Variants in ATP9B observed in about 807,000 individuals in gnomAD.
ATP9B encodes the protein probable phospholipid-transporting ATPase IIB.
Under a neutral mutation model 146.1 loss-of-function variants are expected in ATP9B, and 110 were observed. The observed-to-expected ratio is 0.75, with a 90% CI of 0.65 to 0.88. The LOEUF is 0.88. ATP9B is among the 40% of genes least tolerant of loss of function. The pLI, the probability that ATP9B is intolerant of heterozygous loss-of-function variation, is 0.00. For synonymous variants in ATP9B, 604 were observed against 569.7 expected, an observed-to-expected ratio of 1.06 and a Z score of -0.86; for missense variants, 1,499 against 1,496.4, an observed-to-expected ratio of 1.00 and a Z score of -0.03.
At chr18:79,120,103 C>T (rs1312950909) in intron 4 of ATP9B, among the ~76,000 whole-genome samples, 1 of 152,162 alleles carries the variant, frequency 6.6e-6, no homozygotes, top group East Asian at 1.9e-4. Context: ...TCCTCATAAG[C>T]CCTTGAGTTC....
At chr18:79,346,240 C>T (rs560109758) in intron 23 of ATP9B, among the ~76,000 whole-genome samples, 65 of 149,202 alleles carry the variant, frequency 4.4e-4, no homozygotes, top group South Asian at 8.6e-4. Context: ...ATGTGCTCAG[C>T]GCACAGTCAG....
At chr18:79,156,072 T>A (rs1236278117) in intron 7 of ATP9B, among the ~76,000 whole-genome samples, 1 of 152,192 alleles carries the variant, frequency 6.6e-6, no homozygotes, top group Non-Finnish European at 1.5e-5. Flanking sequence ...AAATGTTTTC[T>A]CTTTCTACCA....
intron 11 of ATP9B, among the ~76,000 whole-genome samples, chr18:79,238,834 C>G (rs1330585569): frequency 6.6e-6 from 1 of 151,714 alleles, no homozygotes; most frequent in Non-Finnish European, 1.5e-5. Flanking sequence ...TCTGCAGTGG[C>G]CACATGGGCA....
intron 17 of ATP9B, among the ~76,000 whole-genome samples, chr18:79,335,308 G>A (rs903763272): frequency 2.6e-5 from 4 of 152,188 alleles, no homozygotes; most frequent in Non-Finnish European, 5.9e-5. Flanking sequence ...CCAGGACTGG[G>A]ATGTGTGTCA....
At chr18:79,233,621 G>A (rs1022151377) in intron 11 of ATP9B, among the ~76,000 whole-genome samples, 1 of 152,180 alleles carries the variant, frequency 6.6e-6, no homozygotes, top group Non-Finnish European at 1.5e-5. Flanking sequence ...GAGAGGTGGG[G>A]CTTAGGTGTG....
intron 17 of ATP9B, among the ~76,000 whole-genome samples, chr18:79,333,227 A>G (rs2096801251): frequency 6.6e-6 from 1 of 152,192 alleles, no homozygotes; most frequent in African/African-American, 2.4e-5. Flanking sequence ...CAGTGCTGAG[A>G]AAGGTCAGAT....
chr18:79,208,747 G>A (rs2095557535), intron 10 of ATP9B, among the ~76,000 whole-genome samples: 1 of 151,778 alleles, frequency 6.6e-6, no homozygotes, highest in Admixed American at 6.6e-5. Context: ...TGTTATGTGT[G>A]TGTGTGTATA....
chr18:79,299,115 C>T (rs1302443604), intron 13 of ATP9B, among the ~76,000 whole-genome samples: 4 of 151,686 alleles, frequency 2.6e-5, no homozygotes, highest in African/African-American at 9.7e-5. Flanking sequence ...CCAGTTCTTT[C>T]CCCCACATTT....
At position 79,146,395 on chromosome 18, in the gene ATP9B, T is replaced by C. The variant is rs529744825; in HGVS notation, c.726+2535T>C. On this transcript the variant is annotated intron_variant, in intron 6 of 29. Coordinates refer to ENST00000426216, the MANE Select transcript of ATP9B (RefSeq NM_198531.5). The stretch of plus-strand genomic sequence containing the variant: ...GGGAGCCGGCGGTGTGGAGAGTGAC[T>C]GAAGGTGCAGGCTGCATGTCGGGGG... The C allele has an allele frequency of 6.1e-3, 795 of 131,234 alleles. 2 individuals carry two copies. Among genetic ancestry groups the C allele is most frequent in the Middle Eastern group, 0.013 (3 of 228 alleles). 8.1% of individuals were successfully genotyped at this position (131,234 alleles called of 1,614,324 possible).
At chr18:79,155,002 C>CATTCAG (rs1238805719) in intron 7 of ATP9B, among the ~76,000 whole-genome samples, 1 of 152,190 alleles carries the variant, frequency 6.6e-6, no homozygotes, top group Non-Finnish European at 1.5e-5. Context: ...TGAGTGTTTT[C>CATTCAG]ATTCAGATTC....
Position 79,263,951 on chromosome 18 carries a change from A to G in ATP9B, c.1268+10410A>G, listed in dbSNP as rs373701191. On this transcript the variant is annotated intron_variant, in intron 12 of 29. Transcript: ENST00000426216. ...ATACAAAAAATTAGCCGGGCGTGGT[A>G]GCGGGTGCCTGTAGTCCCAGCTGCT... 2.9e-3 allele frequency among the ~76,000 whole-genome samples: 443 copies of G among 152,216 alleles called. 1 individual carries two copies. Among genetic ancestry groups the G allele is most frequent in the African/African-American group, 1.0e-2 (415 of 41,538 alleles).
chr18:79,076,190 C>G (rs906170573), intron 1 of ATP9B, among the ~76,000 whole-genome samples: 1 of 152,190 alleles, frequency 6.6e-6, no homozygotes, highest in Non-Finnish European at 1.5e-5. Context: ...TTTGCTTTCT[C>G]TCAATCTAGA....
At position 79,291,378 on chromosome 18, in the gene ATP9B, C is replaced by G. The variant is rs139176606; in HGVS notation, c.1412-12226C>G. On this transcript the variant is annotated intron_variant, in intron 13 of 29. Transcript: ENST00000426216. ...AAATGACAAAAGTTGTAGAAATCAT[C>G]AGTGTTTGAAATCATGGAGAGCATT... 3.0e-3 allele frequency among the ~76,000 whole-genome samples: 461 copies of G among 152,230 alleles called. 1 individual carries two copies. The highest frequency in any genetic ancestry group is 0.01 in the Middle Eastern group (3 of 294).
chr18:79,369,310 G>A (rs12455717), intron 26 of ATP9B, among the ~76,000 whole-genome samples: 38,955 of 151,164 alleles, frequency 0.26, 5,737 homozygotes, highest in African/African-American at 0.41. Context: ...CGAGGCGGGC[G>A]GGTCACGAGT....
chr18:79,364,956 G>A (rs532229972), intron 26 of ATP9B, among the ~76,000 whole-genome samples: 8 of 152,264 alleles, frequency 5.3e-5, no homozygotes, highest in African/African-American at 1.7e-4. Flanking sequence ...CTTGAGCTGA[G>A]GAGTTGGAGG....
chr18:79,277,363 A>C (rs957857697), intron 13 of ATP9B, 167 bp downstream of exon 13: 4 of 733,278 alleles, frequency 5.5e-6, no homozygotes, highest in Middle Eastern at 3.5e-4. Context: ...TGAAACTGTC[A>C]CACAGCTTAA....
intron 9 of ATP9B, among the ~76,000 whole-genome samples, chr18:79,198,192 A>G (rs1477683182): frequency 6.6e-6 from 1 of 152,238 alleles, no homozygotes; most frequent in African/African-American, 2.4e-5. Context: ...TCAAAAACCT[A>G]AGTTTAAAAT....
chr18:79,233,132 A>G (rs1417853968), intron 11 of ATP9B, among the ~76,000 whole-genome samples: 1 of 152,090 alleles, frequency 6.6e-6, no homozygotes, highest in East Asian at 1.9e-4. Flanking sequence ...TCTCTACTAA[A>G]AATACAAAAA....
intron 15 of ATP9B, among the ~76,000 whole-genome samples, chr18:79,316,890 C>G (rs1347061050): frequency 2.6e-5 from 4 of 152,118 alleles, no homozygotes; most frequent in African/African-American, 9.7e-5. Flanking sequence ...ATAGTAAATA[C>G]AAAACAGCGA....
Sources: gnomAD v4.1 joint callset for allele counts (sites outside exome capture counted in the v4.1 genomes callset) on GRCh38, gnomAD v4.1.1 for gene constraint, MANE v1.5 for transcripts, NCBI Gene and HGNC (gene_info 2026-07-23, HGNC 2026-07-21) for gene names.